Variants in RIMS3 observed in about 807,000 individuals in gnomAD.
The protein encoded by RIMS3 is regulating synaptic membrane exocytosis 3.
RIMS3 carries 15 observed loss-of-function variants against 29.2 expected under a neutral mutation model. The ratio of observed to expected loss-of-function variants is 0.51; its 90% confidence interval spans 0.34 to 0.79. The LOEUF (loss-of-function observed/expected upper bound fraction) is 0.79, where lower values mean the gene tolerates loss of function less well. Ranked by LOEUF, RIMS3 falls within the 30% of genes least tolerant of loss-of-function variation. The pLI, the probability that RIMS3 is intolerant of heterozygous loss-of-function variation, is 0.01. For missense variants in RIMS3, 342 were observed against 421.4 expected, an observed-to-expected ratio of 0.81 and a Z score of 1.65; for synonymous variants, 161 against 170.1, an observed-to-expected ratio of 0.95 and a Z score of 0.41.
intron 1 of RIMS3, among the ~76,000 whole-genome samples, chr1:40,658,854 T>A (rs1194380574): frequency 1.3e-5 from 2 of 152,214 alleles, no homozygotes; most frequent in Non-Finnish European, 2.9e-5. Flanking sequence ...GTCCTTGTAA[T>A]AAGCCCTTCT....
In RIMS3 at chr1:40,655,108, C is replaced by T. The variant is rs191077878; in HGVS notation, c.-206-7266G>A. Among the ~76,000 whole-genome samples, 85 of 152,326 alleles carry T rather than the reference C, an allele frequency of 5.6e-4. No homozygotes were observed. The East Asian group carries it at 0.016, about 28-fold the overall frequency. ...CTCCGAGGCCCCCTGGGGTCTGCTG[C>T]GAGGTCCCAGGGACAAGCAGTCAGC... On this transcript the variant is annotated intron_variant, in intron 1 of 7. Transcript: ENST00000372684.
intron 1 of RIMS3, among the ~76,000 whole-genome samples, chr1:40,660,181 C>T (rs925764343): frequency 2.0e-5 from 3 of 151,900 alleles, no homozygotes; most frequent in African/African-American, 2.4e-5. Flanking sequence ...GGAAGAGGGG[C>T]GTATCCAGGA....
intron 1 of RIMS3, among the ~76,000 whole-genome samples, chr1:40,652,015 T>A (rs1234327410): frequency 2.6e-5 from 4 of 152,154 alleles, no homozygotes; most frequent in Non-Finnish European, 5.9e-5. Context: ...TGGAGTCAGA[T>A]TTACAGAGCT....
At chr1:40,689,735 T>C in the RIMS3 span, among the ~76,000 whole-genome samples, 10 of 152,168 alleles carry the variant, frequency 6.6e-5, no homozygotes, top group South Asian at 6.2e-4. Flanking sequence ...ATAAAGACTA[T>C]AGCAAGGACT....
At chr1:40,677,453 C>T in the RIMS3 span, among the ~76,000 whole-genome samples, 5 of 151,696 alleles carry the variant, frequency 3.3e-5, no homozygotes, top group African/African-American at 1.2e-4. Context: ...AATCCCAGCA[C>T]TTTGGGAGGC....
chr1:40,685,760 T>C, the RIMS3 span, among the ~76,000 whole-genome samples: 3 of 151,854 alleles, frequency 2.0e-5, no homozygotes, highest in Admixed American at 6.6e-5. Context: ...CAGTCAGAGA[T>C]CTGAGAAGCA....
At chr1:40,648,162 C>T (rs1370850920) in intron 1 of RIMS3, among the ~76,000 whole-genome samples, 1 of 152,186 alleles carries the variant, frequency 6.6e-6, no homozygotes, top group Non-Finnish European at 1.5e-5. Context: ...CAACCTCCCT[C>T]TGATTAATGG....
At chr1:40,683,285 T>G in the RIMS3 span, among the ~76,000 whole-genome samples, 1 of 152,242 alleles carries the variant, frequency 6.6e-6, no homozygotes, top group Admixed American at 6.5e-5. Context: ...AAGTTGAAAT[T>G]TAATTGCTAT....
At chr1:40,646,678 G>C (rs1033995055) in intron 2 of RIMS3, among the ~76,000 whole-genome samples, 9 of 152,044 alleles carry the variant, frequency 5.9e-5, no homozygotes, top group African/African-American at 2.2e-4. Context: ...AAAACTCCAT[G>C]CCAAAAGAGA....
At chr1:40,690,688 C>T in the RIMS3 span, 1 of 152,214 alleles carries the variant, frequency 6.6e-6, no homozygotes, top group Non-Finnish European at 1.5e-5. Context: ...GTTTACTCCA[C>T]TATTCTCAAT....
At chr1:40,649,159 G>A (rs1162032811) in intron 1 of RIMS3, among the ~76,000 whole-genome samples, 3 of 151,770 alleles carry the variant, frequency 2.0e-5, no homozygotes, top group Non-Finnish European at 4.4e-5. Context: ...TTGTCTCCCC[G>A]AAGCCAGGCT....
At position 40,636,336 on chromosome 1, in the gene RIMS3, G is replaced by A. The variant is rs759330340; in HGVS notation, c.218-279C>T. Among the ~76,000 whole-genome samples, 25 of 152,170 alleles carry A rather than the reference G, an allele frequency of 1.6e-4. No individual in the cohort carries two copies. The highest frequency in any genetic ancestry group is 1.9e-4 in the Non-Finnish European group (13 of 68,024). ...CGCCACCACGCAGAGCCGCAGATCC[G>A]CAGCTGGGGCCCTCGCCTCACCCTC... On this transcript the variant is annotated intron_variant, in intron 3 of 7. Coordinates refer to ENST00000372684, the MANE Select transcript of RIMS3 (RefSeq NM_014747.3). This position sits in a 1 kb window ranked among gnomAD's most constrained non-coding sequence, Gnocchi z 4.2.
intron 2 of RIMS3, among the ~76,000 whole-genome samples, chr1:40,644,953 CAG>C (rs1646585033): frequency 6.6e-6 from 1 of 152,220 alleles, no homozygotes; most frequent in African/African-American, 2.4e-5. Flanking sequence ...TAAAGGAAGA[CAG>C]TCCCCAGACA....
rs1646441195 is a variant in RIMS3 at position 40,624,459 on chromosome 1, T to C, written c.*2058A>G. The C allele has an allele frequency of 6.6e-6, 1 of 152,180 alleles. No individual in the cohort carries two copies. The highest frequency in any genetic ancestry group is 1.9e-4 in the East Asian group (1 of 5,198). The allele number at this position is 152,180 out of a possible 1,614,324, so 9.4% of individuals were successfully genotyped here. ...ATTTCCAAGAACTTGACGAACGCAATGGGCCTGGGGAGAGCATTTCCGCCT... is the reference window on the plus strand; with the variant it reads ...ATTTCCAAGAACTTGACGAACGCAACGGGCCTGGGGAGAGCATTTCCGCCT... On this transcript the variant is annotated 3_prime_UTR_variant, in exon 8 of 8. Coordinates refer to ENST00000372684, the MANE Select transcript of RIMS3 (RefSeq NM_014747.3).
chr1:40,686,930 C>T, the RIMS3 span, among the ~76,000 whole-genome samples: 90 of 151,176 alleles, frequency 6.0e-4, no homozygotes, highest in South Asian at 1.9e-3. Flanking sequence ...GATCATGTCA[C>T]TATCTTCTGT....
At position 40,629,386 on chromosome 1, in the gene RIMS3, G is replaced by T; in HGVS notation, c.473-14C>A. The T allele has an allele frequency of 6.2e-7, 1 of 1,610,602 alleles. No individual in the cohort carries two copies. Among genetic ancestry groups the T allele is most frequent in the Non-Finnish European group, 8.5e-7 (1 of 1,176,810 alleles). On this transcript the variant is annotated splice_polypyrimidine_tract_variant and intron_variant, in intron 5 of 7. Coordinates refer to ENST00000372684, the MANE Select transcript of RIMS3 (RefSeq NM_014747.3). ...TGTGCACATCTCCTGAAAGGAAGAA[G>T]AGGGTGAGTCCAGGCAGGGCCAGAC... is the stretch of plus-strand genomic sequence containing the variant.
At chr1:40,651,860 A>G (rs772822777) in intron 1 of RIMS3, among the ~76,000 whole-genome samples, 1 of 152,226 alleles carries the variant, frequency 6.6e-6, no homozygotes, top group African/African-American at 2.4e-5. Flanking sequence ...CCAAAACCAC[A>G]TATTTTTCTT....
In RIMS3 at chr1:40,626,643, G is replaced by A. The variant is rs776606048; in HGVS notation, c.801C>T (p.Ser267=). The change falls in exon 8 of 8, where the codon AGC becomes AGT. Residue 267 remains serine (S), a synonymous_variant. Transcript: ENST00000372684. ...GTTTGTACCAGCCGGTGACCGCGGC[G>A]CTGAGGTCCAGCTCGTCCAGCATGA... ...AQIMLDELDL[S]AAVTGWYKLF... is the part of the protein sequence containing the mutation. The A allele has an allele frequency of 3.9e-5, 63 of 1,614,084 alleles. No homozygotes were observed. The highest frequency in any genetic ancestry group is 3.5e-4 in the Admixed American group (21 of 60,006).
chr1:40,651,668 C>A (rs2148356084), intron 1 of RIMS3, among the ~76,000 whole-genome samples: 1 of 152,302 alleles, frequency 6.6e-6, no homozygotes, highest in Non-Finnish European at 1.5e-5. Flanking sequence ...TAGTACCTGG[C>A]ACAGGTCTGG....
Sources: allele counts gnomAD v4.1 joint callset (sites outside exome capture counted in the v4.1 genomes callset), GRCh38; gene constraint gnomAD v4.1.1; non-coding constraint Gnocchi (gnomAD v3.1); transcripts MANE v1.5; gene names NCBI Gene and HGNC (gene_info 2026-07-23, HGNC 2026-07-21).